Variants in CHN1 observed in about 807,000 individuals in gnomAD.
CHN1 encodes chimerin 1.
Under a neutral mutation model 59.5 loss-of-function variants are expected in CHN1, and 37 were observed. That is an observed-to-expected ratio of 0.62 (90% CI 0.48 to 0.82). The LOEUF (loss-of-function observed/expected upper bound fraction) is 0.82, where lower values mean the gene tolerates loss of function less well. Among genes scored for constraint, CHN1 ranks in the 40% least tolerant of loss-of-function variants. The pLI is 0.00. For synonymous variants in CHN1, 206 were observed against 200.4 expected (o/e 1.03, Z -0.24); for missense variants, 469 against 571.0 (o/e 0.82, Z 1.82).
At chr2:174,843,516 C>CATGAGCCACT in intron 7 of CHN1, among the ~76,000 whole-genome samples, 1 of 152,220 alleles carries the variant, frequency 6.6e-6, no homozygotes, top group East Asian at 1.9e-4. Context: ...GGATTACAGG[C>CATGAGCCACT]ATGAGCCACT....
intron 4 of CHN1, among the ~76,000 whole-genome samples, chr2:174,917,770 A>G (rs1051055703): frequency 6.6e-6 from 1 of 152,124 alleles, no homozygotes; most frequent in Non-Finnish European, 1.5e-5. Context: ...AAATAATTTA[A>G]AAATATTTAT....
At chr2:174,997,620 C>A (rs184007103) in intron 1 of CHN1, among the ~76,000 whole-genome samples, 1 of 152,120 alleles carries the variant, frequency 6.6e-6, no homozygotes, top group African/African-American at 2.4e-5. Flanking sequence ...TGGACATCCA[C>A]ACCACTCACC....
chr2:174,980,803 G>A (rs3771921), intron 1 of CHN1, among the ~76,000 whole-genome samples: 48,741 of 151,964 alleles, frequency 0.32, 8,968 homozygotes, highest in Admixed American at 0.45. Flanking sequence ...AATACCTGAG[G>A]AAAAACTACA....
intron 5 of CHN1, among the ~76,000 whole-genome samples, chr2:174,887,449 G>C (rs1687926368): frequency 6.6e-6 from 1 of 152,024 alleles, no homozygotes; most frequent in South Asian, 2.1e-4. Context: ...TAGGCACTAT[G>C]TATGTATTAA....
At chr2:174,879,241 T>C (rs1395125984) in intron 5 of CHN1, among the ~76,000 whole-genome samples, 1 of 152,224 alleles carries the variant, frequency 6.6e-6, no homozygotes, top group Non-Finnish European at 1.5e-5. Context: ...GTATAGGTTA[T>C]ATTCCAAATG....
intron 1 of CHN1, among the ~76,000 whole-genome samples, chr2:174,960,709 C>G (rs897832087): frequency 2.6e-5 from 4 of 152,084 alleles, no homozygotes; most frequent in African/African-American, 9.7e-5. Flanking sequence ...GTAGTCCCAG[C>G]TACTCGGGAG....
At chr2:174,923,161 G>A (rs1484291549) in intron 3 of CHN1, among the ~76,000 whole-genome samples, 2 of 149,226 alleles carry the variant, frequency 1.3e-5, no homozygotes, top group Admixed American at 6.7e-5. Context: ...TTCTTTTTGA[G>A]ACGGAGTCTC....
rs747250069 is a variant in CHN1, at chr2:174,809,039, C to T, written c.968G>A (p.Gly323Asp). The change falls in exon 11 of 13, where the codon GGT becomes GAT. Residue 323 changes from glycine to aspartate, a missense_variant. Coordinates refer to ENST00000409900, the MANE Select transcript of CHN1 (RefSeq NM_001822.7). ...EDVKMAFDRD[G>D]EKADISVNMY... ...GTTCACAGAAATATCTGCCTTCTCA[C>T]CATCTTTTAAGGATGTTGAAAGAAA... 2 of 1,604,982 alleles carry T rather than the reference C, an allele frequency of 1.2e-6. No homozygotes were observed. The highest frequency in any genetic ancestry group is 1.7e-6 in the Non-Finnish European group (2 of 1,174,788).
intron 1 of CHN1, among the ~76,000 whole-genome samples, chr2:174,969,796 G>A (rs1254463159): frequency 1.3e-5 from 2 of 152,006 alleles, no homozygotes; most frequent in African/African-American, 2.4e-5. Flanking sequence ...AGCTCGATGA[G>A]GGCAGGATTT....
intron 8 of CHN1, among the ~76,000 whole-genome samples, chr2:174,818,204 CTCTT>C (rs1685349819): frequency 6.6e-6 from 1 of 152,144 alleles, no homozygotes; most frequent in Admixed American, 6.5e-5. Context: ...CTGATGTTCT[CTCTT>C]TTATTTAAAT....
intron 6 of CHN1, among the ~76,000 whole-genome samples, chr2:174,862,897 A>AT (rs1433765472): frequency 6.6e-6 from 1 of 152,090 alleles, no homozygotes. Context: ...CAGAAGTACC[A>AT]TTTTTTTACA....
intron 3 of CHN1, among the ~76,000 whole-genome samples, chr2:174,929,756 A>T (rs998268914): frequency 6.6e-6 from 1 of 152,198 alleles, no homozygotes; most frequent in Non-Finnish European, 1.5e-5. Flanking sequence ...TCAAGTAACC[A>T]GTAGTGGTTA....
chr2:174,806,657 T>C (rs1050559065), intron 11 of CHN1, among the ~76,000 whole-genome samples: 11 of 152,198 alleles, frequency 7.2e-5, no homozygotes, highest in Non-Finnish European at 1.5e-4. Context: ...TTACACAATT[T>C]ACTGATACTC....
chr2:174,975,777 T>C (rs969497874), intron 1 of CHN1, among the ~76,000 whole-genome samples: 7 of 152,010 alleles, frequency 4.6e-5, no homozygotes, highest in Non-Finnish European at 1.0e-4. Context: ...CATGACAGAA[T>C]TAATGAGCAG....
chr2:174,913,011 T>C (rs1688745049), intron 5 of CHN1, among the ~76,000 whole-genome samples: 1 of 152,074 alleles, frequency 6.6e-6, no homozygotes, highest in East Asian at 1.9e-4. Flanking sequence ...ATGAGTAGAA[T>C]GGGAGAGTGC....
intron 3 of CHN1, among the ~76,000 whole-genome samples, chr2:174,924,126 ACTC>A (rs1453412849): frequency 6.6e-6 from 1 of 152,070 alleles, no homozygotes; most frequent in Non-Finnish European, 1.5e-5. Context: ...CACTTTCTGT[ACTC>A]CTCCTTTCTG....
At chr2:174,817,635 T>C (rs1447102335) in intron 8 of CHN1, among the ~76,000 whole-genome samples, 1 of 150,638 alleles carries the variant, frequency 6.6e-6, no homozygotes, top group Non-Finnish European at 1.5e-5. Context: ...CTGATTTTTT[T>C]TTCTTTTTTT....
intron 1 of CHN1, among the ~76,000 whole-genome samples, chr2:174,974,896 A>ACACACACACACAC (rs1559005611): frequency 2.8e-4 from 28 of 101,044 alleles, no homozygotes; most frequent in Admixed American, 6.9e-4. Flanking sequence ...AGAAATAATT[A>ACACACACACACAC]ATACACACAC....
intron 10 of CHN1, chr2:174,810,932 G>A (rs1685050509): frequency 6.6e-6 from 1 of 152,248 alleles, no homozygotes; most frequent in African/African-American, 2.4e-5. Context: ...AGCCATGGAA[G>A]CAAATCTTAA....
Sources: allele counts gnomAD v4.1 joint callset (sites outside exome capture counted in the v4.1 genomes callset), GRCh38; gene constraint gnomAD v4.1.1; transcripts MANE v1.5; gene names NCBI Gene and HGNC (gene_info 2026-07-23, HGNC 2026-07-21).